Variants in TAFA5 observed in about 807,000 individuals in gnomAD.
TAFA5 encodes the protein chemokine-like protein TAFA-5.
A neutral mutation model predicts 15.3 loss-of-function variants in TAFA5; 6 were observed. The ratio of observed to expected loss-of-function variants is 0.39; its 90% confidence interval spans 0.21 to 0.77. TAFA5 has a LOEUF of 0.77. TAFA5 is among the 30% of genes least tolerant of loss of function. The pLI is 0.41. For synonymous variants in TAFA5, 103 were observed against 80.7 expected (o/e 1.28, Z -1.48); for missense variants, 161 against 193.1 (o/e 0.83, Z 0.98).
chr22:48,741,965 C>T (rs948116306), intron 3 of TAFA5, among the ~76,000 whole-genome samples: 2 of 152,244 alleles, frequency 1.3e-5, no homozygotes, highest in Non-Finnish European at 2.9e-5. Flanking sequence ...CTCTCTTAGG[C>T]TGAACTCTTG....
chr22:48,648,018 G>T (rs1428145482), intron 2 of TAFA5, among the ~76,000 whole-genome samples: 1 of 152,190 alleles, frequency 6.6e-6, no homozygotes, highest in Non-Finnish European at 1.5e-5. Flanking sequence ...GACAGGGGCT[G>T]GGCAGGTGGA....
chr22:48,605,278 G>C (rs1393113143), intron 1 of TAFA5, among the ~76,000 whole-genome samples: 1 of 145,308 alleles, frequency 6.9e-6, no homozygotes, highest in African/African-American at 2.6e-5. Context: ...GGATGATGGT[G>C]ATGATGTTGT....
chr22:48,593,016 C>CG (rs1221047943), intron 1 of TAFA5, among the ~76,000 whole-genome samples: 7 of 151,634 alleles, frequency 4.6e-5, no homozygotes, highest in Admixed American at 2.0e-4. Flanking sequence ...CTGAGTGGGG[C>CG]GGGGGGGTCT....
chr22:48,591,570 A>G (rs1423612475), intron 1 of TAFA5, among the ~76,000 whole-genome samples: 1 of 152,218 alleles, frequency 6.6e-6, no homozygotes, highest in Non-Finnish European at 1.5e-5. Context: ...GGGAGTGGGC[A>G]CTGACCGGGG....
At chr22:48,630,474 A>G (rs1926179468) in intron 1 of TAFA5, among the ~76,000 whole-genome samples, 1 of 152,042 alleles carries the variant, frequency 6.6e-6, no homozygotes. Flanking sequence ...TTGAGTCGTC[A>G]GCGGCGTGTG....
At chr22:48,589,479 C>T (rs1016611935) in intron 1 of TAFA5, among the ~76,000 whole-genome samples, 3 of 150,312 alleles carry the variant, frequency 2.0e-5, no homozygotes, top group Non-Finnish European at 4.4e-5. Context: ...CCTGGAAACC[C>T]AGGGTTGGTT....
chr22:48,649,381 G>A (rs888247124), intron 2 of TAFA5, among the ~76,000 whole-genome samples: 21 of 152,186 alleles, frequency 1.4e-4, no homozygotes, highest in Admixed American at 6.5e-4. Context: ...AGAGTGTGGC[G>A]CGAGAGGCTG....
chr22:48,599,946 C>A (rs141226800), intron 1 of TAFA5, among the ~76,000 whole-genome samples: 1 of 152,160 alleles, frequency 6.6e-6, no homozygotes, highest in South Asian at 2.1e-4. Context: ...CCAGCAGGAG[C>A]CTTCCTGCCT....
In TAFA5 at chr22:48,636,345, C is replaced by A. The variant is rs566086602; in HGVS notation, c.113-10252C>A. On this transcript the variant is annotated intron_variant, in intron 1 of 3. Coordinates refer to ENST00000402357, the MANE Select transcript of TAFA5 (RefSeq NM_001082967.3). ...TATAATTGCTTCTGTTGAAGTCAGA[C>A]TGTGATGGAGGAGTTGATTCTGGGA... Among the ~76,000 whole-genome samples, 5 of 152,326 alleles carry A rather than the reference C, an allele frequency of 3.3e-5. No individual in the cohort carries two copies. In the East Asian group the frequency reaches 7.7e-4, roughly 24 times the overall value.
intron 2 of TAFA5, among the ~76,000 whole-genome samples, chr22:48,692,719 A>AACT (rs1211641274): frequency 1.3e-5 from 2 of 152,270 alleles, no homozygotes; most frequent in Non-Finnish European, 2.9e-5. Context: ...CATGTGGAGT[A>AACT]GTATTTAAAA....
At chr22:48,646,531 GGTGGGCTCTGGCT>G (rs1926868837) in intron 1 of TAFA5, 53 bp from the exon 2 acceptor site, 1 of 1,571,262 alleles carries the variant, frequency 6.4e-7, no homozygotes, top group Admixed American at 1.7e-5. Context: ...GTGGGCTCTG[GGTGGGCTCTGGCT>G]GTGGGGTGTC....
At chr22:48,519,813 C>T (rs1921541594) in intron 1 of TAFA5, among the ~76,000 whole-genome samples, 1 of 152,190 alleles carries the variant, frequency 6.6e-6, no homozygotes, top group Non-Finnish European at 1.5e-5. Flanking sequence ...GTCATGGCTG[C>T]ACCTTGGACC....
At chr22:48,728,442 T>A (rs1929769738) in intron 3 of TAFA5, among the ~76,000 whole-genome samples, 1 of 152,226 alleles carries the variant, frequency 6.6e-6, no homozygotes, top group Non-Finnish European at 1.5e-5. Flanking sequence ...AAACTTCCCT[T>A]TCTATGCCTC....
At chr22:48,546,999 C>T (rs1220053133) in intron 1 of TAFA5, 1 of 154,968 alleles carries the variant, frequency 6.5e-6, no homozygotes, top group Non-Finnish European at 1.4e-5. Context: ...TGTTTTAATC[C>T]ACCCAAAGAG....
chr22:48,518,479 G>A (rs566340064), intron 1 of TAFA5, among the ~76,000 whole-genome samples: 49 of 152,294 alleles, frequency 3.2e-4, no homozygotes, highest in Admixed American at 2.0e-3. Flanking sequence ...TGTCTCCTCC[G>A]CATAGCTGCC....
At chr22:48,743,452 G>A (rs1289352611) in intron 3 of TAFA5, among the ~76,000 whole-genome samples, 1 of 152,158 alleles carries the variant, frequency 6.6e-6, no homozygotes, top group Non-Finnish European at 1.5e-5. Context: ...ATTCTAACTC[G>A]ATCACATCTG....
intron 3 of TAFA5, among the ~76,000 whole-genome samples, chr22:48,740,452 C>T (rs1417440555): frequency 6.6e-6 from 1 of 152,204 alleles, no homozygotes; most frequent in Admixed American, 6.5e-5. Context: ...GGAATAGTAA[C>T]CATTTCCCAC....
intron 3 of TAFA5, among the ~76,000 whole-genome samples, chr22:48,733,869 G>A (rs763026582): frequency 2.6e-5 from 4 of 152,176 alleles, no homozygotes; most frequent in African/African-American, 9.7e-5. Context: ...TGCATATACT[G>A]TCTGACTCTT....
chr22:48,548,249 C>T (rs993814476), intron 1 of TAFA5, among the ~76,000 whole-genome samples: 2 of 152,150 alleles, frequency 1.3e-5, no homozygotes, highest in East Asian at 1.9e-4. Flanking sequence ...GTGAGTGTAG[C>T]GAGGAGGATG....
Sources: allele counts gnomAD v4.1 joint callset (sites outside exome capture counted in the v4.1 genomes callset), GRCh38; gene constraint gnomAD v4.1.1; transcripts MANE v1.5; gene names NCBI Gene and HGNC (gene_info 2026-07-23, HGNC 2026-07-21).